JPT1: variants seen among roughly 807,000 people sequenced by gnomAD.
The protein encoded by JPT1 is androgen-regulated protein 2.
Under a neutral mutation model 17.0 loss-of-function variants are expected in JPT1, and 5 were observed. The ratio of observed to expected loss-of-function variants is 0.29; its 90% confidence interval spans 0.15 to 0.62. The LOEUF (loss-of-function observed/expected upper bound fraction) is 0.62, where lower values mean the gene tolerates loss of function less well. JPT1 is among the 20% of genes least tolerant of loss of function. The pLI, the probability that JPT1 is intolerant of heterozygous loss-of-function variation, is 0.85. For missense variants in JPT1, 158 were observed against 188.1 expected (o/e 0.84, Z 0.94); for synonymous variants, 71 against 73.6 (o/e 0.96, Z 0.18).
rs907911615 is a variant in JPT1, at chr17:75,135,797, C to G, written c.*305G>C. 1.8e-6 allele frequency: 1 copy of G among 541,670 alleles called. No individual in the cohort carries two copies. The highest frequency in any genetic ancestry group is 1.9e-5 in the African/African-American group (1 of 52,948). The allele number at this position is 541,670 out of a possible 1,614,324, so 33.6% of individuals were successfully genotyped here. A position where few individuals can be genotyped will look rare whatever the true frequency, so the allele number is the denominator to read the frequency against. The stretch of plus-strand genomic sequence containing the variant: ...GTAAACCCAAGTAAAGTGTTAAAAA[C>G]CTCAGTACAAAAGATCCTCTAACAC... On this transcript the variant is annotated 3_prime_UTR_variant, in exon 5 of 5. Coordinates refer to ENST00000409753, the MANE Select transcript of JPT1 (RefSeq NM_016185.4).
intron 4 of JPT1, among the ~76,000 whole-genome samples, chr17:75,142,343 T>C: frequency 6.6e-6 from 1 of 151,196 alleles, no homozygotes; most frequent in Non-Finnish European, 1.5e-5. Flanking sequence ...GTGGATCACC[T>C]GAGGTCAGGA....
chr17:75,153,973 CT>C (rs1293542637), intron 1 of JPT1: 1 of 162,134 alleles, frequency 6.2e-6, no homozygotes, highest in Non-Finnish European at 1.3e-5. Flanking sequence ...CCCCGGGCAC[CT>C]GGGGGGCCAA....
At chr17:75,151,621 C>T (rs182313832) in intron 1 of JPT1, among the ~76,000 whole-genome samples, 34 of 152,016 alleles carry the variant, frequency 2.2e-4, no homozygotes, top group Non-Finnish European at 4.1e-4. Context: ...AGAGATCATG[C>T]CACTGCACTC....
rs555589302 is a variant in JPT1, at chr17:75,136,067, AACAG to A, written c.*31_*34del. 8.9e-5 allele frequency: 144 copies of A among 1,614,224 alleles called. No homozygotes were observed. The highest frequency in any genetic ancestry group is 6.6e-4 in the Middle Eastern group (4 of 6,062). On this transcript the variant is annotated 3_prime_UTR_variant, in exon 5 of 5. Transcript: ENST00000409753. ...TTGTGCAGTTCACAAGCATGGAGGA[AACAG>A]ACAGAACGACAGCGTTCAGGACAGT...
chr17:75,142,637 AGGGGAG>A, intron 4 of JPT1: 1 of 200,204 alleles, frequency 5.0e-6, no homozygotes, highest in Admixed American at 5.8e-5. Context: ...GAGGGGAGGG[AGGGGAG>A]GGGGGGATGG....
intron 3 of JPT1, among the ~76,000 whole-genome samples, chr17:75,147,135 A>G (rs2074454744): frequency 1.3e-5 from 2 of 151,450 alleles, no homozygotes; most frequent in South Asian, 2.1e-4. Context: ...TTTAGTGCTT[A>G]GTCGGGCGGG....
In JPT1 at chr17:75,147,653, C is replaced by G. The variant is rs200749518; in HGVS notation, c.200G>C (p.Gly67Ala). The change falls in exon 3 of 5, where the codon GGT becomes GCT. Residue 67 changes from glycine to alanine, a missense_variant and splice_region_variant. Physicochemically the swap from Gly to Ala is moderately conservative, Grantham distance 60 (BLOSUM62 0). Coordinates refer to ENST00000409753, the MANE Select transcript of JPT1 (RefSeq NM_016185.4). ...ENQASWAKSA[G>A]AKSSGGREDL... ...TTCCCTGCCACCACTAGACTTGGCA[C>G]CTAAAAATCAAAATATACTTTCTTC... The G allele has an allele frequency of 1.9e-6, 3 of 1,609,574 alleles. No homozygotes were observed. The highest frequency in any genetic ancestry group is 2.6e-6 in the Non-Finnish European group (3 of 1,176,238).
chr17:75,139,475 AAAT>A (rs2074268250), intron 4 of JPT1, among the ~76,000 whole-genome samples: 1 of 152,090 alleles, frequency 6.6e-6, no homozygotes, highest in South Asian at 2.1e-4. Flanking sequence ...AAGAAGAAAA[AAAT>A]AAAAAAGCAC....
At chr17:75,147,079 T>G (rs1314084458) in intron 3 of JPT1, among the ~76,000 whole-genome samples, 1 of 152,050 alleles carries the variant, frequency 6.6e-6, no homozygotes, top group Non-Finnish European at 1.5e-5. Context: ...CCTTCTCCAG[T>G]TCTCTCCCCA....
At chr17:75,152,026 CA>C (rs1383601250) in intron 1 of JPT1, among the ~76,000 whole-genome samples, 25 of 151,832 alleles carry the variant, frequency 1.6e-4, no homozygotes, top group Non-Finnish European at 2.5e-4. Context: ...AGCTTAAGAG[CA>C]AGTCAAAACT....
chr17:75,135,973 AAAGAC>A lies in JPT1; in HGVS notation c.*124_*128del, dbSNP rs2145152092. The A allele has an allele frequency of 1.3e-6, 2 of 1,567,780 alleles. No homozygotes were observed. The highest frequency in any genetic ancestry group is 1.2e-5 in the South Asian group (1 of 84,530). On this transcript the variant is annotated 3_prime_UTR_variant, in exon 5 of 5. Transcript: ENST00000409753. ...ACCTGTTCTTCAAAAGAAAAAAAAA[AAAGAC>A]AGCAGTACATAAAGTGCTTCTTTTT...
chr17:75,150,729 G>A (rs545558840), intron 1 of JPT1, among the ~76,000 whole-genome samples: 6 of 151,622 alleles, frequency 4.0e-5, no homozygotes, highest in East Asian at 3.9e-4. Context: ...CTTACTGCCT[G>A]TGTAATTGCA....
intron 1 of JPT1, among the ~76,000 whole-genome samples, chr17:75,149,899 C>T (rs2074514922): frequency 7.2e-6 from 1 of 138,410 alleles, no homozygotes. Flanking sequence ...GTCAGCTTGA[C>T]CAATTTAGAA....
rs751168797 is a variant in JPT1, at chr17:75,136,197, C to T, written c.370G>A (p.Val124Met). ...GGGCTGGGCACAGGCGCAGCAGGCA[C>T]GGGCTTCTCTTCACTCTGCCCCAGG... is the stretch of plus-strand genomic sequence containing the variant. ...GSLGQSEEKP[V>M]PAAPVPSPVA... The change falls in exon 5 of 5, where the codon GTG becomes ATG. Residue 124 changes from valine (V) to methionine (M), a missense_variant. Val to Met is a conservative substitution (Grantham distance 21). Coordinates refer to ENST00000409753, the MANE Select transcript of JPT1 (RefSeq NM_016185.4). The T allele has an allele frequency of 6.8e-6, 11 of 1,613,364 alleles. No homozygotes were observed. The highest frequency in any genetic ancestry group is 5.3e-5 in the African/African-American group (4 of 74,928).
chr17:75,151,327 C>T (rs1460419125), intron 1 of JPT1, among the ~76,000 whole-genome samples: 6 of 151,220 alleles, frequency 4.0e-5, no homozygotes, highest in South Asian at 2.1e-4. Context: ...AAGAGTGAGA[C>T]TCCGTCTCAA....
intron 4 of JPT1, 62 bp from the exon 5 acceptor site, chr17:75,136,312 G>C (rs756052850): frequency 6.8e-7 from 1 of 1,464,896 alleles, no homozygotes; most frequent in Admixed American, 2.3e-5. Flanking sequence ...TAAGATCAAG[G>C]ATCTGTTTCT....
At position 75,136,094 on chromosome 17, in the gene JPT1, A is replaced by G. The variant is rs759584059; in HGVS notation, c.*8T>C. On this transcript the variant is annotated 3_prime_UTR_variant, in exon 5 of 5. Coordinates refer to ENST00000409753, the MANE Select transcript of JPT1 (RefSeq NM_016185.4). Reference sequence around the variant, plus strand: ...CAGACAGAACGACAGCGTTCAGGACAGTCAGAGCTAACCCAAGACGAGGCT... The same window carrying G: ...CAGACAGAACGACAGCGTTCAGGACGGTCAGAGCTAACCCAAGACGAGGCT... 3 of 1,614,232 alleles carry G rather than the reference A, an allele frequency of 1.9e-6. No homozygotes were observed. The highest frequency in any genetic ancestry group is 1.1e-5 in the South Asian group (1 of 91,088).
At chr17:75,146,118 G>A (rs2074427653) in intron 4 of JPT1, among the ~76,000 whole-genome samples, 1 of 152,018 alleles carries the variant, frequency 6.6e-6, no homozygotes, top group African/African-American at 2.4e-5. Flanking sequence ...ATACTGACCT[G>A]ATTAATATGT....
At chr17:75,142,642 AGGG>A (rs1212309311) in intron 4 of JPT1, 1 of 241,954 alleles carries the variant, frequency 4.1e-6, no homozygotes, top group African/African-American at 1.2e-4. Context: ...GAGGGAGGGG[AGGG>A]GGGGATGGAG....
Sources: allele counts gnomAD v4.1 joint callset (sites outside exome capture counted in the v4.1 genomes callset), GRCh38; gene constraint gnomAD v4.1.1; transcripts MANE v1.5; gene names NCBI Gene and HGNC (gene_info 2026-07-23, HGNC 2026-07-21).